MTX3: variants seen among roughly 807,000 people sequenced by gnomAD.
The protein encoded by MTX3 is metaxin-3.
A neutral mutation model predicts 42.5 loss-of-function variants in MTX3; 27 were observed. The observed-to-expected ratio is 0.64, with a 90% confidence interval of 0.47 to 0.88. The LOEUF (loss-of-function observed/expected upper bound fraction) is 0.88. Ranked by LOEUF, MTX3 falls within the 40% of genes least tolerant of loss-of-function variation. The probability of loss-of-function intolerance (pLI) is 0.00; values close to 1 mark genes in which losing one functional copy is unlikely to be tolerated. For missense variants in MTX3, 378 were observed against 367.0 expected, an observed-to-expected ratio of 1.03 and a Z score of -0.25; for synonymous variants, 144 against 132.9, an observed-to-expected ratio of 1.08 and a Z score of -0.57.
chr5:79,988,844 A>G (rs1831558915), intron 4 of MTX3, among the ~76,000 whole-genome samples, 200 bp from the exon 5 acceptor site: 1 of 152,166 alleles, frequency 6.6e-6, no homozygotes, highest in South Asian at 2.1e-4. Flanking sequence ...CACCCAGAAC[A>G]AGGCCTGACA....
At position 79,988,601 on chromosome 5, in the gene MTX3, G is replaced by C; in HGVS notation, c.365C>G (p.Thr122Arg). Residue 122 changes from threonine (T) to arginine (R), a missense_variant, in exon 5 of 9, where the codon ACA (threonine) becomes AGA (arginine). Thr to Arg is a moderately conservative substitution (Grantham distance 71). Coordinates refer to ENST00000512528, the MANE Select transcript of MTX3 (RefSeq NM_001363818.2). ...AATTTGTGAAGCAAACCATGGCTTT[G>C]TCACAGTAAAGTAATTGTCACTCTC... ...WVESDNYFTV[T>R]KPWFASQIPF... 1 of 1,601,388 alleles carries C rather than the reference G, an allele frequency of 6.2e-7. No individual in the cohort carries two copies. The highest frequency in any genetic ancestry group is 8.5e-7 in the Non-Finnish European group (1 of 1,173,496).
Position 79,980,277 on chromosome 5 carries a change from T to G in MTX3, c.*3407A>C, listed in dbSNP as rs1028057916. The G allele has an allele frequency of 6.6e-6, 1 of 152,190 alleles. No individual in the cohort carries two copies. The highest frequency in any genetic ancestry group is 1.5e-5 in the Non-Finnish European group (1 of 68,024). 9.4% of individuals were successfully genotyped at this position (152,190 alleles called of 1,614,324 possible). A position where few individuals can be genotyped will look rare whatever the true frequency, so the allele number is the denominator to read the frequency against. ...TATCCCCCTTACCTGTTTCTGCCTC[T>G]TTCAATGGTGTTTTTCCATTTTTAC... On this transcript the variant is annotated 3_prime_UTR_variant, in exon 9 of 9. Transcript: ENST00000512528.
chr5:79,985,351 A>G (rs996055058), intron 8 of MTX3, among the ~76,000 whole-genome samples: 4 of 151,882 alleles, frequency 2.6e-5, no homozygotes, highest in African/African-American at 9.7e-5. Context: ...GCAAAAGTAA[A>G]CCCAATACTC....
chr5:79,988,285 G>T lies in MTX3; in HGVS notation c.535C>A (p.Leu179Ile). The T allele has an allele frequency of 6.4e-7, 1 of 1,555,788 alleles. No individual in the cohort carries two copies. The highest frequency in any genetic ancestry group is 2.3e-5 in the East Asian group (1 of 42,568). The change falls in exon 6 of 9, where the codon CTT (leucine) becomes ATT (isoleucine). Residue 179 changes from leucine to isoleucine, a missense_variant. Transcript: ENST00000512528. ...GATGTTCCCAATCTGTTTGATAGAA[G>T]ATTTAGGCACTCCTTGGCATCTCTG... Reference protein sequence around the residue: ...IYRDAKECLNLLSNRLGTSQF... With the variant: ...IYRDAKECLNILSNRLGTSQF...
In MTX3 at chr5:79,979,115, A is replaced by C. The variant is rs1387551589; in HGVS notation, c.*4569T>G. On this transcript the variant is annotated 3_prime_UTR_variant, in exon 9 of 9. Transcript: ENST00000512528. Reference sequence around the variant, plus strand: ...TACCTCTCCACTTCAATCACAATTTAAGTCCAGGGCAGGTATCCTGGGCTC... The same window carrying C: ...TACCTCTCCACTTCAATCACAATTTCAGTCCAGGGCAGGTATCCTGGGCTC... 6.6e-6 allele frequency: 1 copy of C among 152,642 alleles called. No individual in the cohort carries two copies. The highest frequency in any genetic ancestry group is 1.5e-5 in the Non-Finnish European group (1 of 68,044). 9.5% of individuals were successfully genotyped at this position (152,642 alleles called of 1,614,324 possible).
In MTX3 at chr5:79,979,262, A is replaced by G. The variant is rs1384779914; in HGVS notation, c.*4422T>C. On this transcript the variant is annotated 3_prime_UTR_variant, in exon 9 of 9. Coordinates refer to ENST00000512528, the MANE Select transcript of MTX3 (RefSeq NM_001363818.2). ...CAAAAATTAGCATTTTGAACATCCA[A>G]CGAAACTTCAAGTTTGAGGATAATG... 1 of 152,220 alleles carries G rather than the reference A, an allele frequency of 6.6e-6. No homozygotes were observed. Among genetic ancestry groups the G allele is most frequent in the Non-Finnish European group, 1.5e-5 (1 of 68,042 alleles). 9.4% of individuals were successfully genotyped at this position (152,220 alleles called of 1,614,324 possible).
chr5:79,984,613 T>C (rs1035045493), intron 8 of MTX3, among the ~76,000 whole-genome samples: 50 of 150,938 alleles, frequency 3.3e-4, no homozygotes, highest in Non-Finnish European at 6.1e-4. Flanking sequence ...AGTATTACTA[T>C]TTGTATCAGG....
rs1385235630 is a variant in MTX3, at chr5:79,980,053, T to G, written c.*3631A>C. Reference sequence around the variant, plus strand: ...AGATCCCAGGTACCCACTGCTTAGCTTCCTTTCTTTACATGTAAGCATTTA... The same window carrying G: ...AGATCCCAGGTACCCACTGCTTAGCGTCCTTTCTTTACATGTAAGCATTTA... On this transcript the variant is annotated 3_prime_UTR_variant, in exon 9 of 9. Transcript: ENST00000512528. 1 of 152,182 alleles carries G rather than the reference T, an allele frequency of 6.6e-6. No individual in the cohort carries two copies. 9.4% of individuals were successfully genotyped at this position (152,182 alleles called of 1,614,324 possible).
intron 3 of MTX3, 58 bp from the exon 4 acceptor site, chr5:79,989,302 T>C (rs565223268): frequency 9.5e-7 from 1 of 1,048,438 alleles, no homozygotes; most frequent in East Asian, 2.6e-5. Context: ...CCAAAGACAG[T>C]AAAACTAATC....
chr5:79,987,156 A>G, intron 6 of MTX3, 49 bp from the exon 7 acceptor site: 1 of 1,568,252 alleles, frequency 6.4e-7, no homozygotes, highest in South Asian at 1.1e-5. Context: ...ATATTAACTG[A>G]AGGCCGGGTG....
chr5:79,980,235 C>T lies in MTX3; in HGVS notation c.*3449G>A, dbSNP rs549534514. 25 of 152,274 alleles carry T rather than the reference C, an allele frequency of 1.6e-4. No homozygotes were observed. The highest frequency in any genetic ancestry group is 4.6e-4 in the Admixed American group (7 of 15,306). 9.4% of individuals were successfully genotyped at this position (152,274 alleles called of 1,614,324 possible). A position where few individuals can be genotyped will look rare whatever the true frequency, so the allele number is the denominator to read the frequency against. ...TATCACATGCAGCTGCCTTAACCAA[C>T]AGGTTTTCTAAGATACTATCCCCCT... On this transcript the variant is annotated 3_prime_UTR_variant, in exon 9 of 9. Coordinates refer to ENST00000512528, the MANE Select transcript of MTX3 (RefSeq NM_001363818.2).
intron 7 of MTX3, 169 bp downstream of exon 7, chr5:79,986,781 T>A (rs1379394316): frequency 4.9e-6 from 3 of 616,194 alleles, no homozygotes; most frequent in African/African-American, 1.8e-5. Flanking sequence ...AAATAAGAAC[T>A]AACATGAGAA....
In MTX3 at chr5:79,987,014, C is replaced by G; in HGVS notation, c.675G>C (p.Gln225His). 1 of 1,613,998 alleles carries G rather than the reference C, an allele frequency of 6.2e-7. No homozygotes were observed. Among genetic ancestry groups the G allele is most frequent in the Non-Finnish European group, 8.5e-7 (1 of 1,179,886 alleles). Reference sequence around the variant, plus strand: ...CACAAAAGCGACAGAGGTTGGAGAGCTGTTTCAGATGTTCTTGTAGCTGAA... The same window carrying G: ...CACAAAAGCGACAGAGGTTGGAGAGGTGTTTCAGATGTTCTTGTAGCTGAA... ...PKVQLQEHLKQLSNLCRFCDD... is the reference protein window; with the variant it reads ...PKVQLQEHLKHLSNLCRFCDD... Residue 225 changes from glutamine to histidine, a missense_variant, in exon 7 of 9, where the codon CAG becomes CAC. Physicochemically the swap from Gln to His is conservative, Grantham distance 24. Coordinates refer to ENST00000512528, the MANE Select transcript of MTX3 (RefSeq NM_001363818.2).
intron 8 of MTX3, among the ~76,000 whole-genome samples, 157 bp from the exon 9 acceptor site, chr5:79,983,951 T>A (rs964413618): frequency 6.6e-6 from 1 of 152,202 alleles, no homozygotes; most frequent in African/African-American, 2.4e-5. Context: ...TCAAGAATTC[T>A]AAATGTCATA....
Position 79,983,016 on chromosome 5 carries a change from T to A in MTX3, c.*668A>T, listed in dbSNP as rs1011633268. 1 of 154,176 alleles carries A rather than the reference T, an allele frequency of 6.5e-6. No individual in the cohort carries two copies. The highest frequency in any genetic ancestry group is 1.4e-5 in the Non-Finnish European group (1 of 69,466). 9.6% of individuals were successfully genotyped at this position (154,176 alleles called of 1,614,324 possible). On this transcript the variant is annotated 3_prime_UTR_variant, in exon 9 of 9. Transcript: ENST00000512528. ...CTCTTCCTAACCTATATCGAACACA[T>A]CAGCAAAGACCAATGTTATACTGAA...
Position 79,977,489 on chromosome 5 carries a change from C to T in MTX3, c.*6195G>A, listed in dbSNP as rs1392420044. 6.6e-6 allele frequency: 1 copy of T among 152,224 alleles called. No individual in the cohort carries two copies. The highest frequency in any genetic ancestry group is 1.5e-5 in the Non-Finnish European group (1 of 68,046). 9.4% of individuals were successfully genotyped at this position (152,224 alleles called of 1,614,324 possible). A position where few individuals can be genotyped will look rare whatever the true frequency, so the allele number is the denominator to read the frequency against. On this transcript the variant is annotated 3_prime_UTR_variant, in exon 9 of 9. Transcript: ENST00000512528. The stretch of plus-strand genomic sequence containing the variant: ...TCACGTGGCTACATGTTCACCATTA[C>T]ACCACAACTCAAAACCCACAGGCGA...
rs1831510441 is a variant in MTX3, at chr5:79,987,067, G to A, written c.622C>T (p.Pro208Ser). 1.2e-6 allele frequency: 2 copies of A among 1,613,828 alleles called. No homozygotes were observed. The highest frequency in any genetic ancestry group is 1.7e-6 in the Non-Finnish European group (2 of 1,179,870). The stretch of plus-strand genomic sequence containing the variant: ...TTAGGAAACCGTACTTTGTAAAGAG[G>A]TGCAAGAAAACCAAAAACATAGGCA... Reference protein sequence around the residue: ...LDAYVFGFLAPLYKVRFPKVQ... With the variant: ...LDAYVFGFLASLYKVRFPKVQ... Residue 208 changes from proline (P) to serine (S), a missense_variant, in exon 7 of 9, where the codon CCT becomes TCT. Pro to Ser is a moderately conservative substitution (Grantham distance 74). Transcript: ENST00000512528.
Position 79,990,581 on chromosome 5 carries a change from G to T in MTX3, c.151+13C>A. 6.5e-7 allele frequency: 1 copy of T among 1,549,856 alleles called. No individual in the cohort carries two copies. ...AGAGTGCAGAAAGGGGAGTGTAAAG[G>T]TTTACACTATACCTCTTGAACCTCT... On this transcript the variant is annotated intron_variant, in intron 2 of 8. Transcript: ENST00000512528.
Position 79,982,570 on chromosome 5 carries a change from C to G in MTX3, c.*1114G>C, listed in dbSNP as rs1182984360. ...TTCTATTATAAGTAAAATTACCACA[C>G]AGCAAATCCCTTAACAGTTCAGCAA... On this transcript the variant is annotated 3_prime_UTR_variant, in exon 9 of 9. Transcript: ENST00000512528. 2.9e-6 allele frequency: 1 copy of G among 341,848 alleles called. No homozygotes were observed. Among genetic ancestry groups the G allele is most frequent in the Non-Finnish European group, 5.8e-6 (1 of 172,138 alleles). The allele number at this position is 341,848 out of a possible 1,614,324, so 21.2% of individuals were successfully genotyped here.
Sources: gnomAD v4.1 joint callset for allele counts (sites outside exome capture counted in the v4.1 genomes callset) on GRCh38, gnomAD v4.1.1 for gene constraint, MANE v1.5 for transcripts, NCBI Gene and HGNC (gene_info 2026-07-23, HGNC 2026-07-21) for gene names.